The following GOLIM4 variants were observed in gnomAD, a reference collection of about 807,000 sequenced individuals.
The protein encoded by GOLIM4 is golgi integral membrane protein 4.
In GOLIM4, 71 loss-of-function variants were observed where a neutral mutation model predicts 107.4. That is an observed-to-expected ratio of 0.66 (90% CI 0.55 to 0.81). The LOEUF (loss-of-function observed/expected upper bound fraction) is 0.81, where lower values mean the gene tolerates loss of function less well. Among genes scored for constraint, GOLIM4 ranks in the 30% least tolerant of loss-of-function variants. The pLI is 0.00. For missense variants in GOLIM4, 830 were observed against 826.1 expected (o/e 1.00, Z -0.06); for synonymous variants, 327 against 294.8 (o/e 1.11, Z -1.12).
intron 1 of GOLIM4, among the ~76,000 whole-genome samples, chr3:168,055,880 A>G (rs1366595628): frequency 1.3e-5 from 2 of 152,160 alleles, no homozygotes; most frequent in African/African-American, 4.8e-5. Context: ...ATAAAAGTTC[A>G]GAAAATTTGC....
At chr3:168,085,462 G>C (rs1318949158) in intron 1 of GOLIM4, among the ~76,000 whole-genome samples, 2 of 152,142 alleles carry the variant, frequency 1.3e-5, no homozygotes, top group African/African-American at 2.4e-5. Context: ...TGTGGCTTTT[G>C]GCTAATGGAG....
intron 1 of GOLIM4, among the ~76,000 whole-genome samples, chr3:168,064,917 C>T (rs953887534): frequency 6.7e-5 from 10 of 150,020 alleles, no homozygotes; most frequent in Admixed American, 4.7e-4. Flanking sequence ...TTAAAGCTAC[C>T]GAATATAACT....
At chr3:168,078,837 G>A (rs1721195799) in intron 1 of GOLIM4, among the ~76,000 whole-genome samples, 1 of 152,114 alleles carries the variant, frequency 6.6e-6, no homozygotes, top group African/African-American at 2.4e-5. Context: ...GGTTAACAAA[G>A]AACAGACAAG....
intron 12 of GOLIM4, among the ~76,000 whole-genome samples, chr3:168,025,922 C>G (rs945036227): frequency 2.0e-5 from 3 of 152,170 alleles, no homozygotes; most frequent in African/African-American, 7.2e-5. Flanking sequence ...GATTTTAGAG[C>G]CTGAGATGGA....
At chr3:168,075,832 A>T (rs1721060654) in intron 1 of GOLIM4, among the ~76,000 whole-genome samples, 1 of 152,208 alleles carries the variant, frequency 6.6e-6, no homozygotes. Flanking sequence ...GACATTCTTA[A>T]GGGGACATAG....
chr3:168,036,956 C>T lies in GOLIM4; in HGVS notation c.723G>A (p.Leu241=). The part of the protein sequence containing the change: ...VAEYKQLKDT[L]NRIPSLRKPD... ...GTTTTCGAAGGCTTGGAATCCTATT[C>T]AGAGTATCTTTCAGTTGTTTATATT... is the stretch of plus-strand genomic sequence containing the variant. The change falls in exon 8 of 16, where the codon CTG becomes CTA. Residue 241 remains leucine, a synonymous_variant. Transcript: ENST00000470487. 2 of 1,580,772 alleles carry T rather than the reference C, an allele frequency of 1.3e-6. No individual in the cohort carries two copies. Among genetic ancestry groups the T allele is most frequent in the East Asian group, 2.2e-5 (1 of 44,638 alleles).
Position 168,029,970 on chromosome 3 carries a change from T to G in GOLIM4, c.1243A>C (p.Arg415=). The part of the protein sequence containing the change: ...SPYEEQLEQQ[R]LAVQQVEEAQ... ...TCCTCCACCTGCTGCACTGCCAGTCTCTGCTGTTCCAACTGTTCCTCATAG... is the reference window on the plus strand; with the variant it reads ...TCCTCCACCTGCTGCACTGCCAGTCGCTGCTGTTCCAACTGTTCCTCATAG... Residue 415 remains arginine (R), a synonymous_variant, in exon 10 of 16, where the codon AGA becomes CGA. Transcript: ENST00000470487. 2 of 1,614,190 alleles carry G rather than the reference T, an allele frequency of 1.2e-6. No homozygotes were observed. The highest frequency in any genetic ancestry group is 1.7e-6 in the Non-Finnish European group (2 of 1,180,010).
chr3:168,091,837 T>C (rs1721932434), intron 1 of GOLIM4, among the ~76,000 whole-genome samples: 1 of 152,226 alleles, frequency 6.6e-6, no homozygotes, highest in African/African-American at 2.4e-5. Flanking sequence ...GTTGTAGAAC[T>C]AGAACTGAAT....
chr3:168,032,226 C>T (rs141541093), intron 9 of GOLIM4, among the ~76,000 whole-genome samples: 60 of 152,270 alleles, frequency 3.9e-4, no homozygotes, highest in Admixed American at 3.8e-3. Flanking sequence ...CAGGTACTCA[C>T]CTGTTCTACT....
intron 7 of GOLIM4, among the ~76,000 whole-genome samples, chr3:168,038,899 A>C (rs1231193928): frequency 6.6e-6 from 1 of 152,232 alleles, no homozygotes; most frequent in African/African-American, 2.4e-5. Context: ...GAATGGGATT[A>C]GTGCCCTTGC....
chr3:168,011,954 C>G (rs376053993), intron 14 of GOLIM4, among the ~76,000 whole-genome samples: 1 of 148,290 alleles, frequency 6.7e-6, no homozygotes, highest in Non-Finnish European at 1.5e-5. Flanking sequence ...AAAAACAGAA[C>G]AGAAAAATTG....
rs138370292 is a variant in GOLIM4 at position 168,082,748 on chromosome 3, C to T, written c.187+12351G>A. Among the ~76,000 whole-genome samples the T allele has an allele frequency of 7.3e-3, 1,115 of 151,876 alleles. 10 individuals are homozygous for T. The highest frequency in any genetic ancestry group is 0.026 in the African/African-American group (1,067 of 41,400). On this transcript the variant is annotated intron_variant, in intron 1 of 15. Coordinates refer to ENST00000470487, the MANE Select transcript of GOLIM4 (RefSeq NM_014498.5). Reference sequence around the variant, plus strand: ...ATGAATACCACCAAGAGCAGGAGTTCACAGCAACTTAGAATGCCAGTGAAC... The same window carrying T: ...ATGAATACCACCAAGAGCAGGAGTTTACAGCAACTTAGAATGCCAGTGAAC...
At chr3:168,077,021 A>T (rs1721112581) in intron 1 of GOLIM4, among the ~76,000 whole-genome samples, 1 of 152,162 alleles carries the variant, frequency 6.6e-6, no homozygotes, top group Admixed American at 6.5e-5. Context: ...TTCATTATTA[A>T]CTCATACCCT....
Position 168,032,828 on chromosome 3 carries a change from G to T in GOLIM4, c.868C>A (p.Gln290Lys). Residue 290 changes from glutamine (Q) to lysine (K), a missense_variant, in exon 9 of 16, where the codon CAG becomes AAG. Transcript: ENST00000470487. ...QEVSRNNDVWQNHEAVPGRAE... is the reference protein window; with the variant it reads ...QEVSRNNDVWKNHEAVPGRAE... ...CTTCCAGGAACTGCTTCATGGTTCT[G>T]CCACACATCATTATTTCGAGACACC... is the stretch of plus-strand genomic sequence containing the variant. 6.2e-7 allele frequency: 1 copy of T among 1,612,194 alleles called. No homozygotes were observed. Among genetic ancestry groups the T allele is most frequent in the Non-Finnish European group, 8.5e-7 (1 of 1,178,620 alleles).
chr3:168,041,522 G>A lies in GOLIM4; in HGVS notation c.518-48C>T, dbSNP rs746612812. The A allele has an allele frequency of 2.2e-5, 20 of 893,528 alleles. No homozygotes were observed. The South Asian group carries it at 2.4e-4, about 11-fold the overall frequency. 55.3% of individuals were successfully genotyped at this position (893,528 alleles called of 1,614,324 possible). A position where few individuals can be genotyped will look rare whatever the true frequency, so the allele number is the denominator to read the frequency against. ...ACACATAAAGCCTTGAAACTTTCAG[G>A]ATTCTGTTTCTATTATTTTCATATC... is the stretch of plus-strand genomic sequence containing the variant. On this transcript the variant is annotated intron_variant, in intron 5 of 15. Coordinates refer to ENST00000470487, the MANE Select transcript of GOLIM4 (RefSeq NM_014498.5).
rs1243513678 is a variant in GOLIM4 at position 168,009,334 on chromosome 3, G to A, written c.*935C>T. The A allele has an allele frequency of 3.4e-5, 5 of 147,148 alleles. No individual in the cohort carries two copies. Among genetic ancestry groups the A allele is most frequent in the African/African-American group, 5.0e-5 (2 of 40,140 alleles). 9.1% of individuals were successfully genotyped at this position (147,148 alleles called of 1,614,324 possible). On this transcript the variant is annotated 3_prime_UTR_variant, in exon 16 of 16. Coordinates refer to ENST00000470487, the MANE Select transcript of GOLIM4 (RefSeq NM_014498.5). The stretch of plus-strand genomic sequence containing the variant: ...CTTCATATTTATACTTATTATCAAA[G>A]TGATTGCATATTGAGGCACAGAGCT...
chr3:168,026,294 G>A (rs895263981), intron 12 of GOLIM4, among the ~76,000 whole-genome samples: 1 of 152,034 alleles, frequency 6.6e-6, no homozygotes, highest in African/African-American at 2.4e-5. Flanking sequence ...TCAAAAATTT[G>A]TATGGAATTA....
intron 14 of GOLIM4, among the ~76,000 whole-genome samples, chr3:168,024,156 G>A (rs1717863836): frequency 6.6e-6 from 1 of 152,178 alleles, no homozygotes; most frequent in Admixed American, 6.5e-5. Flanking sequence ...CTGGGGAGAT[G>A]CCTGAAGAGA....
intron 1 of GOLIM4, among the ~76,000 whole-genome samples, chr3:168,052,564 GGAAA>G (rs1719716302): frequency 6.6e-6 from 1 of 151,916 alleles, no homozygotes; most frequent in African/African-American, 2.4e-5. Context: ...AAATAAAAAC[GGAAA>G]GACAGTAGAA....
Sources: gnomAD v4.1 joint callset for allele counts (sites outside exome capture counted in the v4.1 genomes callset) on GRCh38, gnomAD v4.1.1 for gene constraint, MANE v1.5 for transcripts, NCBI Gene and HGNC (gene_info 2026-07-23, HGNC 2026-07-21) for gene names.